FAM120B: variants seen among roughly 807,000 people sequenced by gnomAD.
FAM120B encodes the protein family with sequence similarity 120 member B.
In FAM120B, 83 loss-of-function variants were observed where a neutral mutation model predicts 96.3. The observed-to-expected ratio is 0.86, with a 90% confidence interval of 0.72 to 1.03. The LOEUF is 1.03. Ranked by LOEUF, FAM120B falls within the 50% of genes least tolerant of loss-of-function variation. FAM120B has a pLI of 0.00. For synonymous variants in FAM120B, 407 were observed against 402.7 expected, an observed-to-expected ratio of 1.01 and a Z score of -0.13; for missense variants, 1,027 against 1,121.2, an observed-to-expected ratio of 0.92 and a Z score of 1.20.
Position 170,339,487 on chromosome 6 carries a change from C to A in FAM120B, c.2018-8664C>A, listed in dbSNP as rs188283719. ...GGAAAGAAATTCTGAGTTGAAAATT[C>A]TTTTCTTTAAGAATGTCGGGGCCAG... On this transcript the variant is annotated intron_variant, in intron 4 of 10. Coordinates refer to ENST00000476287, the MANE Select transcript of FAM120B (RefSeq NM_032448.3). Among the ~76,000 whole-genome samples the A allele has an allele frequency of 4.6e-3, 700 of 151,820 alleles. 2 individuals carry two copies. Among genetic ancestry groups the A allele is most frequent in the Non-Finnish European group, 6.3e-3 (426 of 67,934 alleles).
intron 8 of FAM120B, among the ~76,000 whole-genome samples, chr6:170,392,774 C>G (rs1016644278): frequency 1.3e-5 from 2 of 152,166 alleles, no homozygotes; most frequent in African/African-American, 4.8e-5. Context: ...CACCCAGATC[C>G]CACCAGGTGT....
intron 6 of FAM120B, among the ~76,000 whole-genome samples, chr6:170,361,218 A>ATATATATATACG (rs1562566905): frequency 1.2e-4 from 13 of 108,848 alleles, no homozygotes; most frequent in African/African-American, 4.4e-4. Context: ...ATATATATAT[A>ATATATATATACG]TATATATATA....
At chr6:170,336,950 T>C (rs1786472138) in intron 4 of FAM120B, among the ~76,000 whole-genome samples, 1 of 152,238 alleles carries the variant, frequency 6.6e-6, no homozygotes, top group African/African-American at 2.4e-5. Context: ...CAATGGGGTT[T>C]TCTAAATATA....
At chr6:170,307,148 C>T (rs1373730642) in intron 1 of FAM120B, among the ~76,000 whole-genome samples, 1 of 152,238 alleles carries the variant, frequency 6.6e-6, no homozygotes, top group Non-Finnish European at 1.5e-5. Flanking sequence ...CTTGAGGTCA[C>T]CTCTGACCCC....
chr6:170,382,375 G>A (rs978901436), intron 6 of FAM120B, among the ~76,000 whole-genome samples: 5 of 152,158 alleles, frequency 3.3e-5, no homozygotes, highest in Non-Finnish European at 7.3e-5. Context: ...CCATACTCCA[G>A]CCTGGGCAAC....
intron 8 of FAM120B, among the ~76,000 whole-genome samples, chr6:170,394,488 G>C (rs545735866): frequency 6.8e-6 from 1 of 146,674 alleles, no homozygotes; most frequent in Non-Finnish European, 1.5e-5. Context: ...CGTGGACACC[G>C]CAGCATGCCA....
chr6:170,312,067 GTA>G (rs1346970279), intron 1 of FAM120B, among the ~76,000 whole-genome samples: 1 of 152,190 alleles, frequency 6.6e-6, no homozygotes, highest in African/African-American at 2.4e-5. Flanking sequence ...ACATGACACT[GTA>G]GGAGAACAGT....
At chr6:170,397,981 G>A (rs923984179) in intron 9 of FAM120B, among the ~76,000 whole-genome samples, 2 of 97,266 alleles carry the variant, frequency 2.1e-5, no homozygotes, top group African/African-American at 3.3e-5. Context: ...TACCCTCTTT[G>A]GCTTGGGGTT....
At position 170,363,029 on chromosome 6, in the gene FAM120B, G is replaced by A. The variant is rs996911455; in HGVS notation, c.2283+4711G>A. On this transcript the variant is annotated intron_variant, in intron 6 of 10. Transcript: ENST00000476287. This position sits in a 1 kb window ranked among gnomAD's most constrained non-coding sequence, Gnocchi z 4.5. ...CTCTTGCTCTCTTTTTGGAGAAAAA[G>A]CCGAGAAATTCCTCTGCCTTTCTTT... is the stretch of plus-strand genomic sequence containing the variant. 6.6e-6 allele frequency among the ~76,000 whole-genome samples: 1 copy of A among 152,154 alleles called. No homozygotes were observed. Among genetic ancestry groups the A allele is most frequent in the African/African-American group, 2.4e-5 (1 of 41,434 alleles).
intron 6 of FAM120B, among the ~76,000 whole-genome samples, chr6:170,382,867 G>A (rs1025868562): frequency 6.6e-6 from 1 of 152,148 alleles, no homozygotes; most frequent in Non-Finnish European, 1.5e-5. Context: ...AAAAGAAAAT[G>A]GGCAGAATCA....
At chr6:170,364,939 GA>G (rs1788680658) in intron 6 of FAM120B, among the ~76,000 whole-genome samples, 1 of 152,110 alleles carries the variant, frequency 6.6e-6, no homozygotes, top group African/African-American at 2.4e-5. Context: ...TCATATAGAT[GA>G]CCATGGGATG....
chr6:170,329,297 G>A lies in FAM120B; in HGVS notation c.1916-1152G>A, dbSNP rs76876562. Among the ~76,000 whole-genome samples the A allele has an allele frequency of 8.8e-3, 1,341 of 152,340 alleles. 68 individuals carry two copies. In the East Asian group the frequency reaches 0.11, roughly 12 times the overall value. ...CTAGGATACAGTCTGGACAGTGCCT[G>A]TGGGCACAAAATTGGCGTGATAGAG... On this transcript the variant is annotated intron_variant, in intron 3 of 10. Transcript: ENST00000476287.
intron 6 of FAM120B, among the ~76,000 whole-genome samples, chr6:170,361,448 A>C (rs1358542478): frequency 1.3e-5 from 2 of 152,060 alleles, no homozygotes; most frequent in Non-Finnish European, 2.9e-5. Flanking sequence ...TATTACTTAC[A>C]GTTTAAGAAA....
At chr6:170,358,104 A>G in intron 5 of FAM120B, 122 bp from the exon 6 acceptor site, 1 of 776,458 alleles carries the variant, frequency 1.3e-6, no homozygotes. Context: ...GTGTGCCTGT[A>G]CGTGCCTGTG....
chr6:170,332,085 C>A (rs963733152), intron 4 of FAM120B, among the ~76,000 whole-genome samples: 3 of 151,792 alleles, frequency 2.0e-5, no homozygotes, highest in African/African-American at 7.3e-5. Flanking sequence ...ACACTCATTT[C>A]CACAGCTATT....
At chr6:170,293,921 C>T (rs1350554987), upstream of FAM120B, among the ~76,000 whole-genome samples, 1 of 152,094 alleles carries the variant, frequency 6.6e-6, no homozygotes, top group Non-Finnish European at 1.5e-5. Context: ...ACTCGAGGTC[C>T]AACTATTCAT....
At chr6:170,403,406 A>C (rs373201948) in intron 9 of FAM120B, among the ~76,000 whole-genome samples, 1 of 151,742 alleles carries the variant, frequency 6.6e-6, no homozygotes, top group African/African-American at 2.4e-5. Flanking sequence ...GTTCAAGTAG[A>C]AAGTTGTCAC....
chr6:170,315,712 T>C (rs898604569), intron 1 of FAM120B, among the ~76,000 whole-genome samples: 11 of 152,158 alleles, frequency 7.2e-5, no homozygotes, highest in Non-Finnish European at 1.2e-4. Flanking sequence ...CATTATGCAA[T>C]TAATGAAAAT....
intron 5 of FAM120B, among the ~76,000 whole-genome samples, chr6:170,356,232 C>A (rs1331277102): frequency 6.6e-6 from 1 of 152,178 alleles, no homozygotes; most frequent in African/African-American, 2.4e-5. Flanking sequence ...TAAGTAAAAT[C>A]TCTGTAGTGC....
Sources: gnomAD v4.1 joint callset for allele counts (sites outside exome capture counted in the v4.1 genomes callset) on GRCh38, gnomAD v4.1.1 for gene constraint, Gnocchi (gnomAD v3.1) non-coding constraint, MANE v1.5 for transcripts, NCBI Gene and HGNC (gene_info 2026-07-23, HGNC 2026-07-21) for gene names.